LYRM7: variants seen among roughly 807,000 people sequenced by gnomAD.
LYRM7 encodes LYR motif containing 7.
Under a neutral mutation model 15.8 loss-of-function variants are expected in LYRM7, and 9 were observed. The observed-to-expected ratio is 0.57, with a 90% CI of 0.34 to 0.99. The LOEUF is 0.99. Among genes scored for constraint, LYRM7 ranks in the 50% least tolerant of loss-of-function variants. LYRM7 has a pLI of 0.02. For synonymous variants in LYRM7, 39 were observed against 39.4 expected, an observed-to-expected ratio of 0.99 and a Z score of 0.04; for missense variants, 115 against 119.1, an observed-to-expected ratio of 0.97 and a Z score of 0.16.
intron 4 of LYRM7, among the ~76,000 whole-genome samples, chr5:131,188,476 A>G (rs1755833164): frequency 6.6e-6 from 1 of 151,158 alleles, no homozygotes; most frequent in African/African-American, 2.4e-5. Context: ...TGTGATTTTA[A>G]TTTATATTTC....
At chr5:131,180,577 T>C (rs535270699) in intron 2 of LYRM7, among the ~76,000 whole-genome samples, 2 of 152,280 alleles carry the variant, frequency 1.3e-5, no homozygotes, top group South Asian at 4.1e-4. Context: ...AAATTCAGTA[T>C]CTCCCTGTTT....
Position 131,171,058 on chromosome 5 carries a change from G to T in LYRM7, c.18+20G>T. The T allele has an allele frequency of 6.6e-7, 1 of 1,523,168 alleles. No homozygotes were observed. Among genetic ancestry groups the T allele is most frequent in the Non-Finnish European group, 8.7e-7 (1 of 1,146,492 alleles). The allele number at this position is 1,523,168 out of a possible 1,614,324, so 94.4% of individuals were successfully genotyped here. ...GTCAAGGTGACAGGGCCCGGGAAGG[G>T]GTGGGTACGATGCCGTCGGGGAGGG... On this transcript the variant is annotated intron_variant, in intron 1 of 4. Coordinates refer to ENST00000379380, the MANE Select transcript of LYRM7 (RefSeq NM_181705.4).
At chr5:131,178,886 C>A (rs933065555) in intron 1 of LYRM7, among the ~76,000 whole-genome samples, 1 of 134,136 alleles carries the variant, frequency 7.5e-6, no homozygotes, top group African/African-American at 2.9e-5. Context: ...CGCTTGAACT[C>A]GGGAGGTGGA....
At chr5:131,180,025 A>G (rs937922071) in intron 1 of LYRM7, 70 bp from the exon 2 acceptor site, 73 of 1,040,172 alleles carry the variant, frequency 7.0e-5, no homozygotes, top group Non-Finnish European at 9.8e-5. Context: ...TGCTACCTCA[A>G]CTTCCCAAAG....
chr5:131,184,644 G>T (rs558168824), intron 3 of LYRM7, among the ~76,000 whole-genome samples: 2 of 145,004 alleles, frequency 1.4e-5, no homozygotes, highest in East Asian at 1.9e-4. Flanking sequence ...TTTTGGCGGG[G>T]GGGGGGTTCC....
In LYRM7 at chr5:131,187,450, A is replaced by C. The variant is rs114866446; in HGVS notation, c.244+341A>C. The stretch of plus-strand genomic sequence containing the variant: ...AGACTATTTCTTTACCTTTTACTCT[A>C]TAATGAGTTTTGTTTTTTGTTTTTT... On this transcript the variant is annotated intron_variant, in intron 4 of 4. Transcript: ENST00000379380. Among the ~76,000 whole-genome samples, 248 of 151,564 alleles carry C rather than the reference A, an allele frequency of 1.6e-3. 1 individual carries two copies. The highest frequency in any genetic ancestry group is 5.6e-3 in the African/African-American group (233 of 41,348).
At position 131,204,618 on chromosome 5, in the gene LYRM7, A is replaced by C. The variant is rs777472027; in HGVS notation, c.*5017A>C. ...AAGGAAATGGCCACTGGAAGATTTC[A>C]GATTTTCAGATTTGGAGTGCTCAAC... On this transcript the variant is annotated 3_prime_UTR_variant, in exon 5 of 5. Transcript: ENST00000379380. The C allele has an allele frequency of 6.6e-6, 1 of 151,818 alleles. No individual in the cohort carries two copies. Among genetic ancestry groups the C allele is most frequent in the Non-Finnish European group, 1.5e-5 (1 of 67,948 alleles). 9.4% of individuals were successfully genotyped at this position (151,818 alleles called of 1,614,324 possible).
intron 3 of LYRM7, among the ~76,000 whole-genome samples, chr5:131,184,156 C>T (rs900629374): frequency 3.3e-5 from 5 of 151,814 alleles, no homozygotes; most frequent in African/African-American, 4.8e-5. Context: ...TTTTAGTAGA[C>T]GGGTTTCACC....
rs776017521 is a variant in LYRM7 at position 131,203,782 on chromosome 5, A to G, written c.*4181A>G. The stretch of plus-strand genomic sequence containing the variant: ...AAAACTTCTGTATTCTGTGAAAGCT[A>G]CTATAAATAAAGTTTAGAGAAAGTT... On this transcript the variant is annotated 3_prime_UTR_variant, in exon 5 of 5. Coordinates refer to ENST00000379380, the MANE Select transcript of LYRM7 (RefSeq NM_181705.4). 2 of 152,382 alleles carry G rather than the reference A, an allele frequency of 1.3e-5. No homozygotes were observed. Among genetic ancestry groups the G allele is most frequent in the African/African-American group, 2.4e-5 (1 of 41,468 alleles). The allele number at this position is 152,382 out of a possible 1,614,324, so 9.4% of individuals were successfully genotyped here.
rs949061112 is a variant in LYRM7, at chr5:131,203,097, G to A, written c.*3496G>A. 21 of 152,404 alleles carry A rather than the reference G, an allele frequency of 1.4e-4. No homozygotes were observed. Among genetic ancestry groups the A allele is most frequent in the Admixed American group, 3.3e-4 (5 of 15,290 alleles). The allele number at this position is 152,404 out of a possible 1,614,324, so 9.4% of individuals were successfully genotyped here. A position where few individuals can be genotyped will look rare whatever the true frequency, so the allele number is the denominator to read the frequency against. On this transcript the variant is annotated 3_prime_UTR_variant, in exon 5 of 5. Transcript: ENST00000379380. ...TGGAATTTCTATACCTATTGACAAA[G>A]CACATAATTTAACCATAAACACAAA... is the stretch of plus-strand genomic sequence containing the variant.
At chr5:131,176,158 C>T (rs933751869) in intron 1 of LYRM7, among the ~76,000 whole-genome samples, 10 of 152,204 alleles carry the variant, frequency 6.6e-5, no homozygotes, top group African/African-American at 2.4e-4. Context: ...GTTATTTCTA[C>T]TTTTTCACTA....
intron 3 of LYRM7, among the ~76,000 whole-genome samples, chr5:131,184,642 G>GCGGT (rs947647651): frequency 7.0e-6 from 1 of 142,254 alleles, no homozygotes; most frequent in African/African-American, 2.9e-5. Context: ...TTTTTTGGCG[G>GCGGT]GGGGGGGGTT....
intron 3 of LYRM7, among the ~76,000 whole-genome samples, chr5:131,185,565 C>T (rs1755784900): frequency 6.6e-6 from 1 of 152,194 alleles, no homozygotes; most frequent in Non-Finnish European, 1.5e-5. Context: ...TACAGATCTT[C>T]CAGATATTGA....
At chr5:131,176,245 CTAG>C (rs1755600593) in intron 1 of LYRM7, among the ~76,000 whole-genome samples, 1 of 152,066 alleles carries the variant, frequency 6.6e-6, no homozygotes, top group African/African-American at 2.4e-5. Context: ...GAGTATATAC[CTAG>C]TAGTAGAATT....
intron 4 of LYRM7, among the ~76,000 whole-genome samples, chr5:131,195,841 C>T (rs1755954304): frequency 6.6e-6 from 1 of 152,138 alleles, no homozygotes; most frequent in Non-Finnish European, 1.5e-5. Context: ...ACTCCTATCA[C>T]CAGGAAGTAG....
At chr5:131,184,265 C>A (rs918316239) in intron 3 of LYRM7, among the ~76,000 whole-genome samples, 3 of 152,166 alleles carry the variant, frequency 2.0e-5, no homozygotes, top group Non-Finnish European at 4.4e-5. Context: ...CTGTGCCCAG[C>A]CCCCTGCAAT....
At chr5:131,181,302 A>ATATATATATATATAT (rs71000974) in intron 2 of LYRM7, among the ~76,000 whole-genome samples, 1 of 8,772 alleles carries the variant, frequency 1.1e-4, no homozygotes, top group Non-Finnish European at 3.3e-4. Flanking sequence ...AAAAAAAAAA[A>ATATATATATATATAT]ATATATATAT....
intron 1 of LYRM7, among the ~76,000 whole-genome samples, chr5:131,176,599 G>A (rs1474271616): frequency 6.6e-6 from 1 of 151,256 alleles, no homozygotes; most frequent in Admixed American, 6.6e-5. Flanking sequence ...GATTCAGAGA[G>A]TACATATGCA....
At chr5:131,193,190 G>A (rs1303141776) in intron 4 of LYRM7, among the ~76,000 whole-genome samples, 3 of 152,140 alleles carry the variant, frequency 2.0e-5, no homozygotes, top group Non-Finnish European at 4.4e-5. Context: ...ATTTGTCATT[G>A]TCTAAAACTA....
Sources: gnomAD v4.1 joint callset for allele counts (sites outside exome capture counted in the v4.1 genomes callset) on GRCh38, gnomAD v4.1.1 for gene constraint, MANE v1.5 for transcripts, NCBI Gene and HGNC (gene_info 2026-07-23, HGNC 2026-07-21) for gene names.